The following SDCCAG8 variants were observed in gnomAD, a reference collection of about 807,000 sequenced individuals.
The protein encoded by SDCCAG8 is serologically defined colon cancer antigen 8.
Under a neutral mutation model 101.8 loss-of-function variants are expected in SDCCAG8, and 74 were observed. The ratio of observed to expected loss-of-function variants is 0.73; its 90% CI spans 0.60 to 0.88. SDCCAG8 has a LOEUF of 0.88. SDCCAG8 is among the 40% of genes least tolerant of loss of function. SDCCAG8 has a pLI of 0.00. For synonymous variants in SDCCAG8, 281 were observed against 292.9 expected (o/e 0.96, Z 0.41); for missense variants, 787 against 822.6 (o/e 0.96, Z 0.53).
At chr1:243,314,477 C>T (rs2073057473) in intron 8 of SDCCAG8, among the ~76,000 whole-genome samples, 1 of 152,146 alleles carries the variant, frequency 6.6e-6, no homozygotes, top group Non-Finnish European at 1.5e-5. Flanking sequence ...TGAGAGGGAG[C>T]TTTACCTCAC....
rs565620100 is a variant in SDCCAG8 at position 243,492,886 on chromosome 1, C to T, written c.2112+3746C>T. ...CCTCCCAAAGTGCTGGCATTACAGG[C>T]ATGAGCTTTGCCCGGCCTCTTGGCT... On this transcript the variant is annotated intron_variant, in intron 17 of 17. Coordinates refer to ENST00000366541, the MANE Select transcript of SDCCAG8 (RefSeq NM_006642.5). Among the ~76,000 whole-genome samples, 6 of 152,260 alleles carry T rather than the reference C, an allele frequency of 3.9e-5. No homozygotes were observed. The South Asian group carries it at 8.3e-4, about 21-fold the overall frequency.
At chr1:243,402,177 C>T (rs1293610415) in intron 13 of SDCCAG8, among the ~76,000 whole-genome samples, 1 of 152,012 alleles carries the variant, frequency 6.6e-6, no homozygotes, top group Non-Finnish European at 1.5e-5. Flanking sequence ...TCTGCAATCC[C>T]AACACTTTAG....
intron 12 of SDCCAG8, among the ~76,000 whole-genome samples, chr1:243,352,500 C>T (rs2076134753): frequency 6.6e-6 from 1 of 152,222 alleles, no homozygotes; most frequent in Non-Finnish European, 1.5e-5. Context: ...ACCAACTCTG[C>T]AGTTCTGGTA....
At chr1:243,297,133 T>A (rs1251731082) in intron 6 of SDCCAG8, among the ~76,000 whole-genome samples, 2 of 152,232 alleles carry the variant, frequency 1.3e-5, no homozygotes, top group Non-Finnish European at 2.9e-5. Flanking sequence ...TACTCAAGTA[T>A]GCATCATTAA....
intron 16 of SDCCAG8, among the ~76,000 whole-genome samples, chr1:243,486,198 C>T (rs1341364051): frequency 9.0e-6 from 1 of 111,724 alleles, no homozygotes; most frequent in Non-Finnish European, 1.8e-5. Context: ...CAAAACTCTG[C>T]CTCCAAAAAA....
At position 243,458,543 on chromosome 1, in the gene SDCCAG8, C is replaced by CA. The variant is rs1439233503; in HGVS notation, c.1986-30470dup. 6.6e-6 allele frequency among the ~76,000 whole-genome samples: 1 copy of CA among 152,156 alleles called. No individual in the cohort carries two copies. Among genetic ancestry groups the CA allele is most frequent in the East Asian group, 1.9e-4 (1 of 5,206 alleles). On this transcript the variant is annotated intron_variant, in intron 16 of 17. Coordinates refer to ENST00000366541, the MANE Select transcript of SDCCAG8 (RefSeq NM_006642.5). The surrounding 1 kb of genome is among the most constrained non-coding windows in gnomAD (Gnocchi z 4.5). The stretch of plus-strand genomic sequence containing the variant: ...ACCCACTGAATTTTCATAACCACCA[C>CA]ATGAAGCGAGTACTAGCAATATCCC...
intron 8 of SDCCAG8, among the ~76,000 whole-genome samples, chr1:243,311,860 A>G (rs2072760147): frequency 1.3e-5 from 2 of 152,198 alleles, no homozygotes; most frequent in South Asian, 2.1e-4. Context: ...AAAGGAAGCT[A>G]TAATGTTTTG....
chr1:243,494,539 CAG>C (rs1667329497), intron 17 of SDCCAG8, among the ~76,000 whole-genome samples: 1 of 152,202 alleles, frequency 6.6e-6, no homozygotes, highest in Admixed American at 6.5e-5. Flanking sequence ...CCTCCAACAG[CAG>C]ACAGTTAAAC....
chr1:243,383,059 AG>A (rs945568771), intron 13 of SDCCAG8, among the ~76,000 whole-genome samples: 7 of 152,308 alleles, frequency 4.6e-5, no homozygotes, highest in African/African-American at 1.4e-4. Context: ...TTTTACATAA[AG>A]GTATTCATTG....
At chr1:243,264,911 G>A (rs1448402094) in intron 1 of SDCCAG8, among the ~76,000 whole-genome samples, 1 of 152,180 alleles carries the variant, frequency 6.6e-6, no homozygotes, top group Non-Finnish European at 1.5e-5. Context: ...GGAAATGAGT[G>A]TGTTCTCTCT....
chr1:243,397,149 G>C (rs1365021707), intron 13 of SDCCAG8, among the ~76,000 whole-genome samples: 1 of 152,190 alleles, frequency 6.6e-6, no homozygotes, highest in East Asian at 1.9e-4. Flanking sequence ...TTATTTAAAG[G>C]AAAAGGCAGA....
Position 243,499,905 on chromosome 1 carries a change from G to GTGGGGCTGGTCCTCATCAACGC in SDCCAG8, c.*121_*142dup. 1 of 932,932 alleles carries GTGGGGCTGGTCCTCATCAACGC rather than the reference G, an allele frequency of 1.1e-6. No homozygotes were observed. Among genetic ancestry groups the GTGGGGCTGGTCCTCATCAACGC allele is most frequent in the Non-Finnish European group, 1.7e-6 (1 of 585,348 alleles). The allele number at this position is 932,932 out of a possible 1,614,324, so 57.8% of individuals were successfully genotyped here. On this transcript the variant is annotated 3_prime_UTR_variant, in exon 18 of 18. Coordinates refer to ENST00000366541, the MANE Select transcript of SDCCAG8 (RefSeq NM_006642.5). ...CAGGGTGACACCGCCTCAGCCTGCA[G>GTGGGGCTGGTCCTCATCAACGC]TGGGGCTGGTCCTCATCAACGCGGG...
intron 4 of SDCCAG8, 137 bp from the exon 5 acceptor site, chr1:243,286,135 G>A: frequency 1.1e-6 from 1 of 947,926 alleles, no homozygotes; most frequent in Non-Finnish European, 1.6e-6. Context: ...TGCCTTGTTT[G>A]TCTAAACATA....
chr1:243,403,391 ATCT>A, intron 13 of SDCCAG8, among the ~76,000 whole-genome samples: 1 of 152,220 alleles, frequency 6.6e-6, no homozygotes, highest in East Asian at 1.9e-4. Flanking sequence ...TTGAGTAGTC[ATCT>A]TCTAGGAAAT....
chr1:243,279,900 G>T (rs1403982893), intron 4 of SDCCAG8, among the ~76,000 whole-genome samples: 1 of 152,092 alleles, frequency 6.6e-6, no homozygotes, highest in Non-Finnish European at 1.5e-5. Context: ...CGGGTATTAG[G>T]TTAATGCTGG....
At chr1:243,264,299 T>C (rs963159050) in intron 1 of SDCCAG8, among the ~76,000 whole-genome samples, 1 of 152,066 alleles carries the variant, frequency 6.6e-6, no homozygotes, top group African/African-American at 2.4e-5. Flanking sequence ...ACATAGGAAG[T>C]AGGGAAACTC....
intron 10 of SDCCAG8, among the ~76,000 whole-genome samples, chr1:243,338,457 C>A (rs1356398075): frequency 6.7e-6 from 1 of 149,820 alleles, no homozygotes; most frequent in Admixed American, 6.7e-5. Flanking sequence ...GTGTGGGAAG[C>A]TGTCGGAGAA....
In SDCCAG8 at chr1:243,458,290, A is replaced by T. The variant is rs544691878; in HGVS notation, c.1986-30724A>T. On this transcript the variant is annotated intron_variant, in intron 16 of 17. Coordinates refer to ENST00000366541, the MANE Select transcript of SDCCAG8 (RefSeq NM_006642.5). The surrounding 1 kb of genome is among the most constrained non-coding windows in gnomAD (Gnocchi z 4.5). ...TTCTGGCCCTGTCCTTGATTCCCTAATTTCCACAGTTTGACAGCACCGAAT... is the reference window on the plus strand; with the variant it reads ...TTCTGGCCCTGTCCTTGATTCCCTATTTTCCACAGTTTGACAGCACCGAAT... Among the ~76,000 whole-genome samples, 4 of 152,170 alleles carry T rather than the reference A, an allele frequency of 2.6e-5. No individual in the cohort carries two copies. Among genetic ancestry groups the T allele is most frequent in the Non-Finnish European group, 5.9e-5 (4 of 68,020 alleles).
intron 12 of SDCCAG8, among the ~76,000 whole-genome samples, chr1:243,348,869 C>G (rs2075911000): frequency 6.6e-6 from 1 of 151,672 alleles, no homozygotes. Context: ...GCCTGTAATC[C>G]CAGCTACTCA....
Sources: gnomAD v4.1 joint callset for allele counts (sites outside exome capture counted in the v4.1 genomes callset) on GRCh38, gnomAD v4.1.1 for gene constraint, Gnocchi (gnomAD v3.1) non-coding constraint, MANE v1.5 for transcripts, NCBI Gene and HGNC (gene_info 2026-07-23, HGNC 2026-07-21) for gene names.